RALA: variants seen among roughly 807,000 people sequenced by gnomAD.
RALA encodes ras-related protein Ral-A.
Under a neutral mutation model 24.0 loss-of-function variants are expected in RALA, and 5 were observed. That is an observed-to-expected ratio of 0.21 (90% CI 0.11 to 0.44). The LOEUF (loss-of-function observed/expected upper bound fraction) is 0.44, where lower values mean the gene tolerates loss of function less well. RALA is among the 20% of genes least tolerant of loss of function. The pLI, the probability that RALA is intolerant of heterozygous loss-of-function variation, is 0.99. For synonymous variants in RALA, 77 were observed against 83.8 expected, an observed-to-expected ratio of 0.92 and a Z score of 0.44; for missense variants, 95 against 241.2, an observed-to-expected ratio of 0.39 and a Z score of 4.01.
At chr7:39,672,973 C>T (rs1035817077) in intron 1 of RALA, among the ~76,000 whole-genome samples, 3 of 152,162 alleles carry the variant, frequency 2.0e-5, no homozygotes, top group Admixed American at 2.0e-4. Flanking sequence ...AATCAACCTT[C>T]CCTCAAAAAG....
intron 1 of RALA, among the ~76,000 whole-genome samples, chr7:39,680,533 G>A (rs916579356): frequency 2.0e-5 from 3 of 150,906 alleles, no homozygotes; most frequent in Admixed American, 6.6e-5. Flanking sequence ...CCGAGAGTGC[G>A]CTACTGCACT....
chr7:39,696,553 G>T, intron 3 of RALA, 132 bp from the exon 4 acceptor site: 1 of 682,854 alleles, frequency 1.5e-6, no homozygotes, highest in Non-Finnish European at 2.4e-6. Flanking sequence ...TATCGATATT[G>T]GTTCATTAAT....
At chr7:39,684,521 C>T (rs1792662360) in intron 1 of RALA, among the ~76,000 whole-genome samples, 1 of 151,820 alleles carries the variant, frequency 6.6e-6, no homozygotes. Context: ...CCCTGTACAG[C>T]CCGTATGTGA....
At position 39,706,519 on chromosome 7, in the gene RALA, C is replaced by G. The variant is rs1430242567; in HGVS notation, c.*274C>G. On this transcript the variant is annotated 3_prime_UTR_variant, in exon 5 of 5. Transcript: ENST00000005257. ...TGTAAGCTTGTGTTTCTTGGGCAGT[C>G]TTTCTTGAAATTGAAGAGGTGAAAT... 4.2e-6 allele frequency: 1 copy of G among 240,828 alleles called. No homozygotes were observed. Among genetic ancestry groups the G allele is most frequent in the Non-Finnish European group, 7.9e-6 (1 of 126,440 alleles). The allele number at this position is 240,828 out of a possible 1,614,324, so 14.9% of individuals were successfully genotyped here. A position where few individuals can be genotyped will look rare whatever the true frequency, so the allele number is the denominator to read the frequency against.
chr7:39,657,550 G>T (rs1243231992), intron 1 of RALA, among the ~76,000 whole-genome samples: 1 of 152,006 alleles, frequency 6.6e-6, no homozygotes, highest in East Asian at 1.9e-4. Flanking sequence ...CTTTCTGTGG[G>T]GTCTGGACCT....
intron 1 of RALA, among the ~76,000 whole-genome samples, chr7:39,655,166 A>T (rs1792075198): frequency 6.6e-6 from 1 of 152,218 alleles, no homozygotes; most frequent in African/African-American, 2.4e-5. Context: ...GATGCTGAAA[A>T]CTACAAACCA....
At chr7:39,625,141 A>C (rs996983821) in intron 1 of RALA, among the ~76,000 whole-genome samples, 4 of 152,184 alleles carry the variant, frequency 2.6e-5, no homozygotes, top group Non-Finnish European at 5.9e-5. Flanking sequence ...TGTATAGGTT[A>C]TCTCACAGTC....
intron 1 of RALA, among the ~76,000 whole-genome samples, chr7:39,635,343 C>G (rs1791669962): frequency 6.6e-6 from 1 of 152,234 alleles, no homozygotes; most frequent in East Asian, 1.9e-4. Flanking sequence ...CCACTACACT[C>G]CAGCCTGGGC....
chr7:39,705,991 G>T, intron 4 of RALA, 132 bp from the exon 5 acceptor site: 2 of 758,984 alleles, frequency 2.6e-6, no homozygotes, highest in Non-Finnish European at 2.0e-6. Flanking sequence ...TATGCTTTCC[G>T]CTCTGTACTC....
intron 1 of RALA, among the ~76,000 whole-genome samples, chr7:39,682,918 G>A (rs1792632406): frequency 6.6e-6 from 1 of 152,196 alleles, no homozygotes; most frequent in Non-Finnish European, 1.5e-5. Context: ...GGGATTACAG[G>A]CATGAGCCAC....
intron 1 of RALA, among the ~76,000 whole-genome samples, chr7:39,652,335 A>G (rs1372777881): frequency 2.0e-5 from 3 of 152,242 alleles, no homozygotes; most frequent in East Asian, 1.9e-4. Context: ...TCAAACTGTA[A>G]TAGCCATTCC....
intron 3 of RALA, among the ~76,000 whole-genome samples, chr7:39,696,327 G>A (rs1345362613): frequency 6.6e-6 from 1 of 152,188 alleles, no homozygotes; most frequent in African/African-American, 2.4e-5. Flanking sequence ...CCAATTGAGA[G>A]ACATTGTACA....
At chr7:39,666,040 A>C (rs1792282105) in intron 1 of RALA, among the ~76,000 whole-genome samples, 1 of 152,124 alleles carries the variant, frequency 6.6e-6, no homozygotes, top group Non-Finnish European at 1.5e-5. Flanking sequence ...ATAAATAGGA[A>C]GATATTTATT....
chr7:39,624,766 G>T (rs143628475), intron 1 of RALA, among the ~76,000 whole-genome samples: 2 of 152,148 alleles, frequency 1.3e-5, no homozygotes, highest in Non-Finnish European at 2.9e-5. Flanking sequence ...TGTGGTGTGG[G>T]GGGGGAACAA....
intron 3 of RALA, among the ~76,000 whole-genome samples, chr7:39,696,230 A>T (rs908053609): frequency 6.6e-6 from 1 of 152,206 alleles, no homozygotes; most frequent in Non-Finnish European, 1.5e-5. Context: ...GACCCTTGAT[A>T]TGATGCAATA....
chr7:39,698,926 A>T (rs957237146), intron 4 of RALA, among the ~76,000 whole-genome samples: 1 of 152,102 alleles, frequency 6.6e-6, no homozygotes, highest in Non-Finnish European at 1.5e-5. Flanking sequence ...ATAAAAAGGG[A>T]AGTACAACTT....
intron 1 of RALA, among the ~76,000 whole-genome samples, chr7:39,642,331 A>G (rs1300797166): frequency 6.6e-6 from 1 of 152,154 alleles, no homozygotes; most frequent in East Asian, 1.9e-4. Flanking sequence ...AAAGGTAAAG[A>G]TATAGGGGGA....
chr7:39,651,727 T>C (rs775752907), intron 1 of RALA, among the ~76,000 whole-genome samples: 2 of 152,204 alleles, frequency 1.3e-5, no homozygotes, highest in Admixed American at 6.5e-5. Flanking sequence ...AATTTTTTCA[T>C]GTTTGTAGTA....
At chr7:39,656,305 C>T (rs1210397093) in intron 1 of RALA, among the ~76,000 whole-genome samples, 1 of 152,164 alleles carries the variant, frequency 6.6e-6, no homozygotes, top group Non-Finnish European at 1.5e-5. Flanking sequence ...TAAGCAAATA[C>T]AGGTCCCATC....
Sources: gnomAD v4.1 joint callset for allele counts (sites outside exome capture counted in the v4.1 genomes callset) on GRCh38, gnomAD v4.1.1 for gene constraint, MANE v1.5 for transcripts, NCBI Gene and HGNC (gene_info 2026-07-23, HGNC 2026-07-21) for gene names.